The following SIPA1L3 variants were observed in gnomAD, a reference collection of about 807,000 sequenced individuals.
SIPA1L3 encodes signal induced proliferation associated 1 like 3.
A neutral mutation model predicts 150.1 loss-of-function variants in SIPA1L3; 59 were observed. That is an observed-to-expected ratio of 0.39 (90% CI 0.32 to 0.49). The LOEUF (loss-of-function observed/expected upper bound fraction) is 0.49, where lower values mean the gene tolerates loss of function less well. Among genes scored for constraint, SIPA1L3 ranks in the 20% least tolerant of loss-of-function variants. The pLI is 0.86. For synonymous variants in SIPA1L3, 1,070 were observed against 1,077.6 expected, an observed-to-expected ratio of 0.99 and a Z score of 0.14; for missense variants, 2,211 against 2,489.5, an observed-to-expected ratio of 0.89 and a Z score of 2.38.
At chr19:37,986,566 T>A (rs1461985074) in intron 1 of SIPA1L3, among the ~76,000 whole-genome samples, 1 of 152,204 alleles carries the variant, frequency 6.6e-6, no homozygotes, top group African/African-American at 2.4e-5. Flanking sequence ...GTCGCCAGCG[T>A]TGGGGGCCTG....
At chr19:38,153,704 G>C (rs1460903533) in intron 13 of SIPA1L3, among the ~76,000 whole-genome samples, 1 of 144,078 alleles carries the variant, frequency 6.9e-6, no homozygotes, top group Non-Finnish European at 1.5e-5. Flanking sequence ...GCCAAGGCGG[G>C]CGGATAATAA....
intron 21 of SIPA1L3, 132 bp from the exon 22 acceptor site, chr19:38,205,965 C>T (rs1423119577): frequency 3.7e-6 from 4 of 1,073,668 alleles, no homozygotes; most frequent in African/African-American, 1.6e-5. Flanking sequence ...GATGTGTGCC[C>T]CGGCCTGGCC....
chr19:38,153,021 TCTTA>T, intron 13 of SIPA1L3, 54 bp downstream of exon 13: 1 of 1,578,768 alleles, frequency 6.3e-7, no homozygotes, highest in Non-Finnish European at 8.6e-7. Context: ...CCGCAGGACC[TCTTA>T]CTTAGAGCTT....
At chr19:37,919,902 G>T (rs1280415875) in intron 1 of SIPA1L3, among the ~76,000 whole-genome samples, 1 of 151,532 alleles carries the variant, frequency 6.6e-6, no homozygotes, top group Non-Finnish European at 1.5e-5. Context: ...TAGAGATGGG[G>T]ATTCTCCATG....
chr19:37,948,361 G>A (rs781735419), intron 1 of SIPA1L3, among the ~76,000 whole-genome samples: 4 of 152,070 alleles, frequency 2.6e-5, no homozygotes, highest in Admixed American at 6.6e-5. Context: ...AGTTACTCGA[G>A]AGGCTGAGGT....
rs1157082254 is a variant in SIPA1L3 at position 38,198,394 on chromosome 19, A to T, written c.4846A>T (p.Ile1616Phe). The part of the protein sequence containing the change: ...GSGFPEKKST[I>F]SASELSLADG... Reference sequence around the variant, plus strand: ...TCTCCACCCTCCCCATCCAGCCACCATCTCAGCCTCGGAGCTCTCGCTGGC... The same window carrying T: ...TCTCCACCCTCCCCATCCAGCCACCTTCTCAGCCTCGGAGCTCTCGCTGGC... Residue 1616 changes from isoleucine (I) to phenylalanine (F), a missense_variant, in exon 19 of 22, where the codon ATC becomes TTC. Ile to Phe is a conservative substitution (Grantham distance 21, BLOSUM62 0). Coordinates refer to ENST00000222345, the MANE Select transcript of SIPA1L3 (RefSeq NM_015073.3). 6.4e-7 allele frequency: 1 copy of T among 1,553,290 alleles called. No homozygotes were observed. Among genetic ancestry groups the T allele is most frequent in the Non-Finnish European group, 8.7e-7 (1 of 1,151,542 alleles).
intron 1 of SIPA1L3, chr19:37,932,367 C>G (rs193019458): frequency 1.6e-4 from 25 of 152,398 alleles, no homozygotes; most frequent in South Asian, 6.2e-4. Context: ...TTTCCCTCCC[C>G]CAAAGGGAAT....
rs1204712244 is a variant in SIPA1L3 at position 38,046,557 on chromosome 19, G to C, written c.-311+17401G>C. Among the ~76,000 whole-genome samples, 3 of 152,146 alleles carry C rather than the reference G, an allele frequency of 2.0e-5. No individual in the cohort carries two copies. The highest frequency in any genetic ancestry group is 7.2e-5 in the African/African-American group (3 of 41,440). ...GTTTCCAGATTACCTGTGTCTCCTG[G>C]GCATGGCACAGGAAATGACTCCTTC... On this transcript the variant is annotated intron_variant, in intron 2 of 21. Transcript: ENST00000222345. The surrounding 1 kb of genome is among the most constrained non-coding windows in gnomAD (Gnocchi z 5.6).
At chr19:38,204,237 C>T (rs1319363426) in intron 21 of SIPA1L3, 29 bp downstream of exon 21, 30 of 1,539,654 alleles carry the variant, frequency 1.9e-5, no homozygotes, top group Non-Finnish European at 2.5e-5. Context: ...CCCTCTCCAT[C>T]CCACTTCCCA....
chr19:38,005,970 C>G (rs1298085048), intron 1 of SIPA1L3, among the ~76,000 whole-genome samples: 1 of 152,168 alleles, frequency 6.6e-6, no homozygotes, highest in East Asian at 1.9e-4. Flanking sequence ...ATTGCTTAAG[C>G]CCCCGAGGTT....
chr19:38,003,323 G>C (rs1304877761), intron 1 of SIPA1L3, among the ~76,000 whole-genome samples: 1 of 152,212 alleles, frequency 6.6e-6, no homozygotes, highest in Non-Finnish European at 1.5e-5. Flanking sequence ...TGTTCTGCGT[G>C]CTCTGAAGAA....
chr19:38,102,496 C>G (rs934685172), intron 6 of SIPA1L3, among the ~76,000 whole-genome samples: 1 of 151,126 alleles, frequency 6.6e-6, no homozygotes, highest in Non-Finnish European at 1.5e-5. Context: ...ATGACTCACA[C>G]CTGTAATCCC....
chr19:38,127,860 A>G (rs1297860148), intron 9 of SIPA1L3, among the ~76,000 whole-genome samples: 1 of 152,040 alleles, frequency 6.6e-6, no homozygotes, highest in Non-Finnish European at 1.5e-5. Context: ...TAGCCTGAAT[A>G]TAACAACATA....
intron 2 of SIPA1L3, among the ~76,000 whole-genome samples, chr19:38,071,094 C>T (rs1177661079): frequency 6.6e-6 from 1 of 152,170 alleles, no homozygotes; most frequent in Non-Finnish European, 1.5e-5. Context: ...CACACTCGGG[C>T]ACCAAGCAGG....
At chr19:38,072,219 T>A (rs1969737922) in intron 2 of SIPA1L3, among the ~76,000 whole-genome samples, 1 of 152,112 alleles carries the variant, frequency 6.6e-6, no homozygotes, top group Non-Finnish European at 1.5e-5. Context: ...TCCTCATCTG[T>A]AAAATGGAGG....
At chr19:38,079,125 G>A (rs1162780025) in intron 2 of SIPA1L3, among the ~76,000 whole-genome samples, 4 of 152,198 alleles carry the variant, frequency 2.6e-5, no homozygotes. Flanking sequence ...GAGGTCAGGA[G>A]ATCGAGACCA....
Position 38,119,395 on chromosome 19 carries a change from A to T in SIPA1L3, c.2381A>T (p.Asp794Val), listed in dbSNP as rs1422388719. Residue 794 changes from aspartate to valine, a missense_variant, in exon 9 of 22, where the codon GAC (aspartate) becomes GTC (valine). Around this residue, in one of 5 missense-constraint regions of SIPA1L3, gnomAD observed 625 missense variants for 804.2 expected, o/e 0.78. Coordinates refer to ENST00000222345, the MANE Select transcript of SIPA1L3 (RefSeq NM_015073.3). Reference protein sequence around the residue: ...TTFRKSDVFRDFLLAKVINAE... With the variant: ...TTFRKSDVFRVFLLAKVINAE... Reference sequence around the variant, plus strand: ...TTCCGCAAATCCGACGTCTTCAGAGACTTCTTGCTGGCCAAGGTGATTAAC... The same window carrying T: ...TTCCGCAAATCCGACGTCTTCAGAGTCTTCTTGCTGGCCAAGGTGATTAAC... 1.9e-6 allele frequency: 3 copies of T among 1,614,080 alleles called. No homozygotes were observed. The East Asian group carries it at 6.7e-5, about 36-fold the overall frequency.
At chr19:38,197,533 A>G (rs554336276) in intron 18 of SIPA1L3, among the ~76,000 whole-genome samples, 2 of 151,756 alleles carry the variant, frequency 1.3e-5, no homozygotes, top group South Asian at 2.1e-4. Context: ...GGCGATTCCA[A>G]TCACAGGTGC....
At chr19:38,080,730 G>T (rs1969957745) in intron 2 of SIPA1L3, among the ~76,000 whole-genome samples, 1 of 152,124 alleles carries the variant, frequency 6.6e-6, no homozygotes, top group Admixed American at 6.5e-5. Flanking sequence ...CACTTTGGGA[G>T]GCTGAGGCGG....
Sources: allele counts gnomAD v4.1 joint callset (sites outside exome capture counted in the v4.1 genomes callset), GRCh38; gene constraint gnomAD v4.1.1; regional missense constraint gnomAD v4.1.1; non-coding constraint Gnocchi (gnomAD v3.1); transcripts MANE v1.5; gene names NCBI Gene and HGNC (gene_info 2026-07-23, HGNC 2026-07-21).